PEAK1: variants seen among roughly 807,000 people sequenced by gnomAD.
The protein encoded by PEAK1 is pseudopodium enriched atypical kinase 1, also known as inactive tyrosine-protein kinase PEAK1.
In PEAK1, 54 loss-of-function variants were observed where a neutral mutation model predicts 124.7. The ratio of observed to expected loss-of-function variants is 0.43; its 90% CI spans 0.35 to 0.54. The LOEUF is 0.54. Ranked by LOEUF, PEAK1 falls within the 20% of genes least tolerant of loss-of-function variation. The pLI is 0.01. For missense variants in PEAK1, 2,046 were observed against 2,134.5 expected, an observed-to-expected ratio of 0.96 and a Z score of 0.82; for synonymous variants, 719 against 760.0, an observed-to-expected ratio of 0.95 and a Z score of 0.89.
Position 77,400,255 on chromosome 15 carries a change from T to G in PEAK1, c.-666+19751A>C, listed in dbSNP as rs115778710. 4.3e-3 allele frequency among the ~76,000 whole-genome samples: 651 copies of G among 152,134 alleles called. 1 individual carries two copies. The highest frequency in any genetic ancestry group is 0.013 in the African/African-American group (556 of 41,532). ...TCACTATGGAGAAGGTTTTTGGACA[T>G]TCCTCAAAAAAAACAAAAATAGAGC... is the stretch of plus-strand genomic sequence containing the variant. On this transcript the variant is annotated intron_variant, in intron 1 of 9. Transcript: ENST00000682557.
At chr15:77,171,745 T>C (rs1005269852) in intron 7 of PEAK1, among the ~76,000 whole-genome samples, 67 of 152,310 alleles carry the variant, frequency 4.4e-4, no homozygotes, top group African/African-American at 1.6e-3. Context: ...ATTTCCCTGA[T>C]CTGCTCACTT....
At chr15:77,190,733 C>T (rs867857571) in intron 6 of PEAK1, among the ~76,000 whole-genome samples, 2 of 152,270 alleles carry the variant, frequency 1.3e-5, no homozygotes, top group Middle Eastern at 6.8e-3. Context: ...ATGGTGCAAC[C>T]ACTGTGTATT....
chr15:77,233,543 T>G (rs940955849), intron 6 of PEAK1, among the ~76,000 whole-genome samples: 1 of 152,182 alleles, frequency 6.6e-6, no homozygotes, highest in African/African-American at 2.4e-5. Flanking sequence ...AGTGTTGGAG[T>G]GACCAAAAAT....
chr15:77,129,193 G>A (rs1292704795), intron 9 of PEAK1, among the ~76,000 whole-genome samples: 2 of 152,240 alleles, frequency 1.3e-5, no homozygotes, highest in Non-Finnish European at 2.9e-5. Context: ...GAAGGTGGCT[G>A]GCTGTAAGCC....
intron 2 of PEAK1, chr15:77,349,329 G>A (rs2067070335): frequency 6.1e-6 from 6 of 978,006 alleles, no homozygotes; most frequent in Middle Eastern, 5.3e-4. Flanking sequence ...GTGAGCCACC[G>A]CGCCCGGCCT....
At position 77,113,982 on chromosome 15, in the gene PEAK1, C is replaced by G. The variant is rs974151596; in HGVS notation, c.*174G>C. 4 of 661,508 alleles carry G rather than the reference C, an allele frequency of 6.0e-6. No individual in the cohort carries two copies. Among genetic ancestry groups the G allele is most frequent in the African/African-American group, 1.8e-5 (1 of 55,386 alleles). 41.0% of individuals were successfully genotyped at this position (661,508 alleles called of 1,614,324 possible). On this transcript the variant is annotated 3_prime_UTR_variant, in exon 10 of 10. Transcript: ENST00000682557. ...TGTAAAGTTAAGACAGACTCAGCTT[C>G]TCATTCAATCTGGGGCAGTGGATAA...
intron 8 of PEAK1, chr15:77,156,545 C>A (rs2055172251): frequency 6.6e-6 from 1 of 152,570 alleles, no homozygotes; most frequent in South Asian, 2.1e-4. Flanking sequence ...GTGAGATGAA[C>A]CCGGTACCTC....
intron 6 of PEAK1, among the ~76,000 whole-genome samples, chr15:77,244,350 TAAC>T (rs1445740422): frequency 2.0e-5 from 3 of 152,290 alleles, no homozygotes; most frequent in South Asian, 2.1e-4. Flanking sequence ...GCTATCAAAT[TAAC>T]AACAATTTCT....
chr15:77,352,339 A>G, intron 2 of PEAK1: 4 of 985,346 alleles, frequency 4.1e-6, no homozygotes, highest in Non-Finnish European at 4.8e-6. Flanking sequence ...ATCTATCTCC[A>G]GAAATCACTT....
At chr15:77,250,599 A>AT (rs968019693) in intron 6 of PEAK1, among the ~76,000 whole-genome samples, 15 of 151,000 alleles carry the variant, frequency 9.9e-5, no homozygotes, top group South Asian at 2.1e-4. Context: ...TACCAGGCTA[A>AT]TTTTTTTTTA....
intron 1 of PEAK1, among the ~76,000 whole-genome samples, chr15:77,416,424 C>T (rs2072889630): frequency 6.6e-6 from 1 of 152,228 alleles, no homozygotes; most frequent in Non-Finnish European, 1.5e-5. Context: ...CACTCTTCAT[C>T]ATTTCTCACC....
chr15:77,271,547 T>C (rs951608137), intron 5 of PEAK1, among the ~76,000 whole-genome samples: 1 of 152,074 alleles, frequency 6.6e-6, no homozygotes, highest in Non-Finnish European at 1.5e-5. Flanking sequence ...CCATCAATGA[T>C]AGACTGGATT....
chr15:77,241,633 A>T (rs889478931), intron 6 of PEAK1, among the ~76,000 whole-genome samples: 14 of 152,124 alleles, frequency 9.2e-5, no homozygotes, highest in South Asian at 2.1e-4. Context: ...TGCAGGATAC[A>T]TGGTCAACAT....
intron 8 of PEAK1, among the ~76,000 whole-genome samples, chr15:77,143,670 C>T (rs1162167932): frequency 6.6e-6 from 1 of 152,202 alleles, no homozygotes; most frequent in African/African-American, 2.4e-5. Context: ...CCACTCCTCT[C>T]ATCTTTAAAT....
intron 1 of PEAK1, chr15:77,401,788 A>G (rs1220540964): frequency 1.0e-6 from 1 of 984,698 alleles, no homozygotes; most frequent in Non-Finnish European, 1.2e-6. Flanking sequence ...TTGGAATTTT[A>G]AAGTTCCAAT....
intron 2 of PEAK1, among the ~76,000 whole-genome samples, chr15:77,336,822 T>C (rs560293795): frequency 8.6e-5 from 13 of 151,570 alleles, no homozygotes; most frequent in Admixed American, 3.9e-4. Context: ...TAATACTGTA[T>C]AGCAGTCAGA....
intron 2 of PEAK1, chr15:77,346,175 T>G (rs1468008500): frequency 1.0e-6 from 1 of 974,940 alleles, no homozygotes; most frequent in Admixed American, 6.2e-5. Context: ...AATAAATTAT[T>G]AAATCTACCC....
At chr15:77,197,105 G>A (rs1182144553) in intron 6 of PEAK1, among the ~76,000 whole-genome samples, 2 of 151,466 alleles carry the variant, frequency 1.3e-5, no homozygotes, top group African/African-American at 2.4e-5. Context: ...CACCTGCCTT[G>A]GCCTCCCATA....
chr15:77,252,586 C>A, intron 5 of PEAK1, 60 bp from the exon 6 acceptor site: 1 of 876,406 alleles, frequency 1.1e-6, no homozygotes, highest in South Asian at 5.3e-5. Context: ...ATATATTGGA[C>A]ATCTTTTCTT....
Sources: allele counts gnomAD v4.1 joint callset (sites outside exome capture counted in the v4.1 genomes callset), GRCh38; gene constraint gnomAD v4.1.1; transcripts MANE v1.5; gene names NCBI Gene and HGNC (gene_info 2026-07-23, HGNC 2026-07-21).